Variants in OR2L13 observed in about 807,000 individuals in gnomAD.
The protein encoded by OR2L13 is olfactory receptor family 2 subfamily L member 13.
OR2L13 carries 14 observed loss-of-function variants against 15.3 expected under a neutral mutation model. The observed-to-expected ratio is 0.91, with a 90% CI of 0.60 to 1.43. The LOEUF (loss-of-function observed/expected upper bound fraction) is 1.43, where lower values mean the gene tolerates loss of function less well. Ranked by LOEUF, OR2L13 falls within the 40% of genes most tolerant of loss-of-function variation. OR2L13 has a pLI of 0.00. For synonymous variants in OR2L13, 152 were observed against 142.9 expected (o/e 1.06, Z -0.45); for missense variants, 367 against 387.9 (o/e 0.95, Z 0.45).
At chr1:248,000,975 C>T in the OR2L13 span, among the ~76,000 whole-genome samples, 1 of 151,694 alleles carries the variant, frequency 6.6e-6, no homozygotes, top group Non-Finnish European at 1.5e-5. Flanking sequence ...AAAAAGTGAG[C>T]CACCGTTATT....
the OR2L13 span, among the ~76,000 whole-genome samples, chr1:248,034,150 A>G: frequency 6.6e-6 from 1 of 152,250 alleles, no homozygotes; most frequent in African/African-American, 2.4e-5. Context: ...CTGCTGAAAG[A>G]AATCATAGAC....
At chr1:247,963,021 G>C in the OR2L13 span, among the ~76,000 whole-genome samples, 1,001 of 152,216 alleles carry the variant, frequency 6.6e-3, 14 homozygotes, top group African/African-American at 0.023. Flanking sequence ...TTGAGGCTCA[G>C]CCCGGGATGC....
At chr1:247,982,469 T>C in the OR2L13 span, among the ~76,000 whole-genome samples, 6 of 152,356 alleles carry the variant, frequency 3.9e-5, no homozygotes, top group East Asian at 1.2e-3. Flanking sequence ...AAGAGATCTA[T>C]GCAATGCAAT....
At chr1:247,994,377 A>T in the OR2L13 span, among the ~76,000 whole-genome samples, 1 of 152,158 alleles carries the variant, frequency 6.6e-6, no homozygotes, top group Admixed American at 6.6e-5. Context: ...AGCCGGGGCG[A>T]CAGAGCGAGA....
At chr1:248,056,752 A>G in the OR2L13 span, among the ~76,000 whole-genome samples, 1 of 150,584 alleles carries the variant, frequency 6.6e-6, no homozygotes, top group African/African-American at 2.4e-5. Flanking sequence ...GGTTCAAGCA[A>G]TTCTCCTGCC....
the OR2L13 span, among the ~76,000 whole-genome samples, chr1:248,058,413 A>G: frequency 1.3e-5 from 2 of 152,048 alleles, no homozygotes; most frequent in African/African-American, 4.8e-5. Context: ...CACTTCTCCC[A>G]TTGTCACAGC....
At chr1:248,004,025 G>T in the OR2L13 span, 1 of 1,613,092 alleles carries the variant, frequency 6.2e-7, no homozygotes. Flanking sequence ...GGTGATGGGG[G>T]CCCTGACACG....
chr1:248,003,211 C>T, the OR2L13 span: 2 of 1,516,352 alleles, frequency 1.3e-6, no homozygotes, highest in Non-Finnish European at 1.8e-6. Flanking sequence ...TTTTCCTCTT[C>T]ATCCTCATTG....
chr1:247,952,857 G>C, the OR2L13 span, among the ~76,000 whole-genome samples: 1 of 152,118 alleles, frequency 6.6e-6, no homozygotes, highest in Non-Finnish European at 1.5e-5. Flanking sequence ...TGGCCTTGGG[G>C]AAATCATTCC....
the OR2L13 span, among the ~76,000 whole-genome samples, chr1:247,987,617 C>T: frequency 1.3e-5 from 2 of 152,116 alleles, no homozygotes. Flanking sequence ...TCTTCCTGAC[C>T]CCAAAGATAA....
chr1:248,056,302 A>G, the OR2L13 span, among the ~76,000 whole-genome samples: 1 of 151,906 alleles, frequency 6.6e-6, no homozygotes, highest in African/African-American at 2.4e-5. Flanking sequence ...TTTTTCAAAA[A>G]CCAGCTCCTG....
chr1:247,966,204 A>G, the OR2L13 span: 2 of 1,613,660 alleles, frequency 1.2e-6, no homozygotes, highest in African/African-American at 2.7e-5. Context: ...CGGTGGCAGT[A>G]TTTTACACCA....
chr1:248,050,297 C>T, the OR2L13 span, among the ~76,000 whole-genome samples: 1 of 151,600 alleles, frequency 6.6e-6, no homozygotes, highest in African/African-American at 2.4e-5. Flanking sequence ...GAAGATGTTT[C>T]TTAATAGGCT....
chr1:247,950,131 T>G, the OR2L13 span, among the ~76,000 whole-genome samples: 16 of 152,292 alleles, frequency 1.1e-4, no homozygotes, highest in Admixed American at 7.8e-4. Context: ...TCAATTTATT[T>G]TCCAGTAATT....
chr1:247,965,014 A>G, the OR2L13 span, among the ~76,000 whole-genome samples: 1 of 150,120 alleles, frequency 6.7e-6, no homozygotes, highest in Non-Finnish European at 1.5e-5. Context: ...GTGTATATAA[A>G]TATACATTTA....
At chr1:247,977,156 A>C in the OR2L13 span, among the ~76,000 whole-genome samples, 1 of 152,176 alleles carries the variant, frequency 6.6e-6, no homozygotes, top group African/African-American at 2.4e-5. Context: ...TCCTCTTCAC[A>C]TGCCCAGATG....
the OR2L13 span, among the ~76,000 whole-genome samples, chr1:248,005,454 G>T: frequency 6.9e-4 from 105 of 152,186 alleles, 1 homozygote; most frequent in African/African-American, 2.4e-3. Context: ...TTCCATGTTT[G>T]TAGTATAGTT....
chr1:248,062,229 A>G, the OR2L13 span: 1 of 152,254 alleles, frequency 6.6e-6, no homozygotes. Context: ...AATCCCAGGA[A>G]ATGATTTAAC....
the OR2L13 span, among the ~76,000 whole-genome samples, chr1:247,986,494 A>T: frequency 6.6e-6 from 1 of 152,152 alleles, no homozygotes; most frequent in Non-Finnish European, 1.5e-5. Context: ...TACCAGTACC[A>T]TGCTGTTTTG....
Sources: gnomAD v4.1 joint callset for allele counts (sites outside exome capture counted in the v4.1 genomes callset) on GRCh38, gnomAD v4.1.1 for gene constraint, MANE v1.5 for transcripts, NCBI Gene and HGNC (gene_info 2026-07-23, HGNC 2026-07-21) for gene names.